The following LMBRD1 variants were observed in gnomAD, a reference collection of about 807,000 sequenced individuals.
LMBRD1 encodes the protein LMBR1 domain containing 1.
A neutral mutation model predicts 74.8 loss-of-function variants in LMBRD1; 64 were observed. That is an observed-to-expected ratio of 0.86 (90% CI 0.70 to 1.05). The LOEUF is 1.05. Ranked by LOEUF, LMBRD1 falls within the 50% of genes least tolerant of loss-of-function variation. The pLI, the probability that LMBRD1 is intolerant of heterozygous loss-of-function variation, is 0.00. For synonymous variants in LMBRD1, 204 were observed against 216.3 expected (o/e 0.94, Z 0.50); for missense variants, 652 against 645.9 (o/e 1.01, Z -0.10).
chr6:69,748,351 A>C (rs1003054099), intron 5 of LMBRD1, among the ~76,000 whole-genome samples: 1 of 152,090 alleles, frequency 6.6e-6, no homozygotes, highest in African/African-American at 2.4e-5. Flanking sequence ...AGCCAAAAAA[A>C]TACTTTAGAA....
chr6:69,749,406 T>C lies in LMBRD1; in HGVS notation c.408A>G (p.Gln136=). 6.2e-7 allele frequency: 1 copy of C among 1,612,088 alleles called. No individual in the cohort carries two copies. The highest frequency in any genetic ancestry group is 8.5e-7 in the Non-Finnish European group (1 of 1,178,462). The change falls in exon 5 of 16, where the codon CAA becomes CAG. Residue 136 remains glutamine (Q), a splice_region_variant and synonymous_variant. Transcript: ENST00000649934. ...AAGTATACTTGAGTGCCGTTTTAAT[T>C]TGCTAGATGCCAAGGAGAAAAAAGT... is the stretch of plus-strand genomic sequence containing the variant. ...KDDDDTSKCT[Q]IKTALKYTLG...
intron 3 of LMBRD1, among the ~76,000 whole-genome samples, chr6:69,774,902 T>C (rs543727730): frequency 4.9e-4 from 72 of 147,094 alleles, no homozygotes; most frequent in African/African-American, 1.5e-3. Context: ...AAGTTTACAA[T>C]GAGCTATGAT....
intron 9 of LMBRD1, among the ~76,000 whole-genome samples, chr6:69,712,281 A>G (rs1174055341): frequency 1.3e-5 from 2 of 152,142 alleles, no homozygotes; most frequent in African/African-American, 4.8e-5. Context: ...ATTCTAGGTA[A>G]TTAGGTTTAA....
At chr6:69,710,406 A>G (rs1766357747) in intron 9 of LMBRD1, among the ~76,000 whole-genome samples, 1 of 152,188 alleles carries the variant, frequency 6.6e-6, no homozygotes, top group Admixed American at 6.5e-5. Flanking sequence ...CAAAATTTCT[A>G]GAAGAAAATG....
intron 2 of LMBRD1, among the ~76,000 whole-genome samples, chr6:69,787,465 C>T (rs909670462): frequency 6.6e-6 from 1 of 152,128 alleles, no homozygotes; most frequent in African/African-American, 2.4e-5. Context: ...GTAGGAAAGG[C>T]CAGTCACAGG....
At chr6:69,727,148 A>G (rs1766754492) in intron 7 of LMBRD1, among the ~76,000 whole-genome samples, 1 of 152,080 alleles carries the variant, frequency 6.6e-6, no homozygotes, top group Non-Finnish European at 1.5e-5. Flanking sequence ...ACAGAGTGAA[A>G]CTCTGTCTCA....
At chr6:69,723,302 C>A (rs1245469012) in intron 7 of LMBRD1, among the ~76,000 whole-genome samples, 1 of 152,118 alleles carries the variant, frequency 6.6e-6, no homozygotes, top group African/African-American at 2.4e-5. Context: ...ACTTAACCTG[C>A]ACTACAAAAT....
intron 9 of LMBRD1, among the ~76,000 whole-genome samples, chr6:69,711,905 G>T (rs1170056594): frequency 6.6e-6 from 1 of 151,916 alleles, no homozygotes; most frequent in Non-Finnish European, 1.5e-5. Flanking sequence ...TGCGTCATGG[G>T]GGTTGTTGTA....
intron 3 of LMBRD1, among the ~76,000 whole-genome samples, chr6:69,759,711 G>A (rs904358970): frequency 2.0e-5 from 3 of 151,962 alleles, no homozygotes; most frequent in Non-Finnish European, 2.9e-5. Flanking sequence ...TCATTCTAGG[G>A]AGCAGTATAC....
At position 69,674,991 on chromosome 6, in the gene LMBRD1, A is replaced by G. The variant is rs1250617191; in HGVS notation, c.*1167T>C. ...TCCATCTTAAAAAAAAAGAAAAAAGAAAATGTAAAATAAGAACAGAAGGGA... is the reference window on the plus strand; with the variant it reads ...TCCATCTTAAAAAAAAAGAAAAAAGGAAATGTAAAATAAGAACAGAAGGGA... On this transcript the variant is annotated 3_prime_UTR_variant, in exon 16 of 16. Transcript: ENST00000649934. Among the ~76,000 whole-genome samples, 2 of 152,174 alleles carry G rather than the reference A, an allele frequency of 1.3e-5. No homozygotes were observed. Among genetic ancestry groups the G allele is most frequent in the Non-Finnish European group, 2.9e-5 (2 of 68,020 alleles).
At chr6:69,717,805 G>A (rs983795765) in intron 8 of LMBRD1, among the ~76,000 whole-genome samples, 3 of 151,996 alleles carry the variant, frequency 2.0e-5, no homozygotes, top group South Asian at 2.1e-4. Flanking sequence ...TCAAGTGATC[G>A]TCCCAACTCA....
chr6:69,767,454 A>T (rs1354963302), intron 3 of LMBRD1, among the ~76,000 whole-genome samples: 1 of 151,688 alleles, frequency 6.6e-6, no homozygotes, highest in Non-Finnish European at 1.5e-5. Flanking sequence ...ATCTTGATCC[A>T]TGGGTTATTT....
At chr6:69,765,103 G>C in intron 3 of LMBRD1, among the ~76,000 whole-genome samples, 1 of 151,690 alleles carries the variant, frequency 6.6e-6, no homozygotes, top group South Asian at 2.1e-4. Flanking sequence ...GCTAATTTTT[G>C]TATTTTTAGT....
rs540139436 is a variant in LMBRD1 at position 69,680,914 on chromosome 6, A to G, written c.1418-4373T>C. 1.7e-4 allele frequency among the ~76,000 whole-genome samples: 26 copies of G among 152,216 alleles called. No individual in the cohort carries two copies. The South Asian group carries it at 4.1e-3, about 24-fold the overall frequency. On this transcript the variant is annotated intron_variant, in intron 14 of 15. Coordinates refer to ENST00000649934, the MANE Select transcript of LMBRD1 (RefSeq NM_018368.4). ...TGAATCACAGATATCTAGGAGATAT[A>G]TAGATTTCTTTCTATAATTATCCAA...
chr6:69,714,318 A>G (rs1173306021), intron 8 of LMBRD1, among the ~76,000 whole-genome samples: 1 of 151,960 alleles, frequency 6.6e-6, no homozygotes, highest in Non-Finnish European at 1.5e-5. Flanking sequence ...CTAAGAACTG[A>G]TACTTCCTTG....
At chr6:69,776,721 G>A (rs1028480633) in intron 3 of LMBRD1, among the ~76,000 whole-genome samples, 1 of 152,126 alleles carries the variant, frequency 6.6e-6, no homozygotes, top group Non-Finnish European at 1.5e-5. Context: ...CACTGACTTA[G>A]GCCACTGGTT....
At chr6:69,790,512 G>C in intron 1 of LMBRD1, 40 bp from the exon 2 acceptor site, 1 of 1,581,772 alleles carries the variant, frequency 6.3e-7, no homozygotes, top group East Asian at 2.2e-5. Context: ...ACTACCCAGT[G>C]TATTTTCTCT....
chr6:69,747,459 C>G (rs1029845834), intron 5 of LMBRD1, among the ~76,000 whole-genome samples: 2 of 152,208 alleles, frequency 1.3e-5, no homozygotes, highest in Non-Finnish European at 2.9e-5. Flanking sequence ...TTATGGCAGC[C>G]AAAGCAGATG....
chr6:69,744,159 A>G (rs1016783249), intron 5 of LMBRD1, among the ~76,000 whole-genome samples: 1 of 152,226 alleles, frequency 6.6e-6, no homozygotes, highest in Admixed American at 6.5e-5. Flanking sequence ...AGTAACCGAG[A>G]GTTAGAATAC....
Sources: gnomAD v4.1 joint callset for allele counts (sites outside exome capture counted in the v4.1 genomes callset) on GRCh38, gnomAD v4.1.1 for gene constraint, MANE v1.5 for transcripts, NCBI Gene and HGNC (gene_info 2026-07-23, HGNC 2026-07-21) for gene names.